Variants in UNC5D observed in about 807,000 individuals in gnomAD.
The protein encoded by UNC5D is unc-5 netrin receptor D, also known as netrin receptor UNC5D.
In UNC5D, 39 loss-of-function variants were observed where a neutral mutation model predicts 105.4. That is an observed-to-expected ratio of 0.37 (90% CI 0.29 to 0.48). UNC5D has a LOEUF of 0.48. Among genes scored for constraint, UNC5D ranks in the 20% least tolerant of loss-of-function variants. The pLI is 0.98. For synonymous variants in UNC5D, 452 were observed against 450.4 expected (o/e 1.00, Z -0.04); for missense variants, 991 against 1,202.4 (o/e 0.82, Z 2.60).
At chr8:35,758,581 A>G (rs1281657185) in intron 13 of UNC5D, among the ~76,000 whole-genome samples, 1 of 152,182 alleles carries the variant, frequency 6.6e-6, no homozygotes, top group African/African-American at 2.4e-5. Flanking sequence ...TCTCTCCAAT[A>G]TGATTCTAAT....
chr8:35,606,455 A>C (rs946179334), intron 4 of UNC5D, among the ~76,000 whole-genome samples: 24 of 152,194 alleles, frequency 1.6e-4, no homozygotes, highest in Admixed American at 1.3e-3. Context: ...TCAAGAGTAC[A>C]TGTGCAGGTT....
chr8:35,352,507 A>G (rs1256502798), intron 1 of UNC5D, among the ~76,000 whole-genome samples: 2 of 152,152 alleles, frequency 1.3e-5, no homozygotes, highest in African/African-American at 2.4e-5. Flanking sequence ...TTGCACTATA[A>G]TTGTATTGAT....
chr8:35,257,471 G>T (rs1469142181), intron 1 of UNC5D, among the ~76,000 whole-genome samples: 1 of 152,168 alleles, frequency 6.6e-6, no homozygotes, highest in African/African-American at 2.4e-5. Flanking sequence ...CACAGTGCTT[G>T]CTGTTTCAGG....
At chr8:35,388,374 CA>C (rs558336097) in intron 1 of UNC5D, among the ~76,000 whole-genome samples, 7 of 151,276 alleles carry the variant, frequency 4.6e-5, no homozygotes, top group African/African-American at 1.7e-4. Flanking sequence ...GAAAAAAACC[CA>C]AAAAAACAAA....
At chr8:35,694,696 A>AGT (rs3077800) in intron 7 of UNC5D, among the ~76,000 whole-genome samples, 8,882 of 149,706 alleles carry the variant, frequency 0.059, 653 homozygotes, top group African/African-American at 0.17. Flanking sequence ...CAATAACTAT[A>AGT]GTGTGTGTGT....
intron 1 of UNC5D, among the ~76,000 whole-genome samples, chr8:35,280,195 C>T (rs1806053133): frequency 6.6e-6 from 1 of 152,014 alleles, no homozygotes; most frequent in Non-Finnish European, 1.5e-5. Flanking sequence ...GGGGTTTTAC[C>T]TTGTTGGTCT....
chr8:35,491,179 G>T (rs1811194524), intron 1 of UNC5D, among the ~76,000 whole-genome samples: 1 of 152,064 alleles, frequency 6.6e-6, no homozygotes, highest in South Asian at 2.1e-4. Context: ...TGTAAAAGTG[G>T]AATAGGTATC....
chr8:35,657,091 T>TATATATATAC (rs1823816272), intron 4 of UNC5D, among the ~76,000 whole-genome samples: 1 of 86,626 alleles, frequency 1.2e-5, no homozygotes, highest in Non-Finnish European at 2.3e-5. Context: ...TATATATATA[T>TATATATATAC]ATATATATAT....
At chr8:35,335,552 G>A (rs1192421082) in intron 1 of UNC5D, among the ~76,000 whole-genome samples, 1 of 151,990 alleles carries the variant, frequency 6.6e-6, no homozygotes, top group Non-Finnish European at 1.5e-5. Flanking sequence ...GAAAATTTTA[G>A]TGTTAAAATT....
intron 1 of UNC5D, among the ~76,000 whole-genome samples, chr8:35,521,522 T>A (rs1461353015): frequency 6.6e-6 from 1 of 152,158 alleles, no homozygotes; most frequent in East Asian, 1.9e-4. Flanking sequence ...GAAAGATAAT[T>A]GATTAACTAA....
intron 1 of UNC5D, among the ~76,000 whole-genome samples, chr8:35,549,026 A>T (rs1815909468): frequency 6.6e-6 from 1 of 152,202 alleles, no homozygotes; most frequent in Non-Finnish European, 1.5e-5. Flanking sequence ...AGACGCTCGG[A>T]TTCAAAACAG....
intron 4 of UNC5D, among the ~76,000 whole-genome samples, chr8:35,679,691 G>A (rs946500264): frequency 2.6e-5 from 4 of 152,142 alleles, no homozygotes; most frequent in African/African-American, 9.7e-5. Flanking sequence ...AACTGTAGAG[G>A]TCAGAATAGA....
chr8:35,437,471 A>G (rs1196355301), intron 1 of UNC5D, among the ~76,000 whole-genome samples: 1 of 152,130 alleles, frequency 6.6e-6, no homozygotes, highest in Non-Finnish European at 1.5e-5. Context: ...GCTGAAGGAA[A>G]TATCTATGGA....
intron 1 of UNC5D, among the ~76,000 whole-genome samples, chr8:35,407,190 C>A (rs1218703498): frequency 1.3e-5 from 2 of 152,034 alleles, no homozygotes; most frequent in East Asian, 3.9e-4. Context: ...ATAGGCTATA[C>A]CATGCAGCCT....
At chr8:35,383,237 C>T (rs1166138339) in intron 1 of UNC5D, among the ~76,000 whole-genome samples, 1 of 152,102 alleles carries the variant, frequency 6.6e-6, no homozygotes, top group Non-Finnish European at 1.5e-5. Context: ...GAACTCATGC[C>T]TTTTTATTTC....
At chr8:35,608,227 G>C (rs1367827537) in intron 4 of UNC5D, among the ~76,000 whole-genome samples, 1 of 152,154 alleles carries the variant, frequency 6.6e-6, no homozygotes, top group Admixed American at 6.6e-5. Context: ...TTCAGACACA[G>C]ACTAGCTGAA....
chr8:35,453,968 A>G (rs1808327913), intron 1 of UNC5D, among the ~76,000 whole-genome samples: 1 of 152,194 alleles, frequency 6.6e-6, no homozygotes, highest in Non-Finnish European at 1.5e-5. Context: ...AAAATATAGA[A>G]TCAGAGACAG....
chr8:35,410,791 G>A (rs1364134392), intron 1 of UNC5D, among the ~76,000 whole-genome samples: 1 of 152,050 alleles, frequency 6.6e-6, no homozygotes, highest in Non-Finnish European at 1.5e-5. Context: ...AATTGATGTG[G>A]AAGCGTGGAG....
At chr8:35,724,544 G>T (rs1433734938) in intron 9 of UNC5D, among the ~76,000 whole-genome samples, 1 of 152,206 alleles carries the variant, frequency 6.6e-6, no homozygotes, top group Non-Finnish European at 1.5e-5. Context: ...AGTCAAGCTG[G>T]CAGCCAATTT....
Sources: allele counts gnomAD v4.1 joint callset (sites outside exome capture counted in the v4.1 genomes callset), GRCh38; gene constraint gnomAD v4.1.1; transcripts MANE v1.5; gene names NCBI Gene and HGNC (gene_info 2026-07-23, HGNC 2026-07-21).